The following SPAG16 variants were observed in gnomAD, a reference collection of about 807,000 sequenced individuals.
The protein encoded by SPAG16 is sperm associated antigen 16, also known as sperm-associated antigen 16 protein.
SPAG16 carries 86 observed loss-of-function variants against 80.4 expected under a neutral mutation model. The ratio of observed to expected loss-of-function variants is 1.07; its 90% CI spans 0.90 to 1.28. The LOEUF (loss-of-function observed/expected upper bound fraction) is 1.28, where lower values mean the gene tolerates loss of function less well. SPAG16 is among the 50% of genes most tolerant of loss of function. SPAG16 has a pLI of 0.00. For synonymous variants in SPAG16, 294 were observed against 265.9 expected (o/e 1.11, Z -1.03); for missense variants, 870 against 765.3 (o/e 1.14, Z -1.61).
At chr2:213,352,158 C>CTTTT (rs534931836) in intron 7 of SPAG16, among the ~76,000 whole-genome samples, 18 of 141,786 alleles carry the variant, frequency 1.3e-4, no homozygotes, top group South Asian at 2.3e-4. Context: ...AACCTCTAGT[C>CTTTT]TTTTTTTTTT....
intron 10 of SPAG16, among the ~76,000 whole-genome samples, chr2:213,683,497 G>T (rs2064497975): frequency 6.6e-6 from 1 of 151,918 alleles, no homozygotes; most frequent in Non-Finnish European, 1.5e-5. Flanking sequence ...GTTGCAGTGA[G>T]CCGAGATCGC....
chr2:214,016,383 G>A (rs79860304), intron 13 of SPAG16, among the ~76,000 whole-genome samples: 2 of 152,114 alleles, frequency 1.3e-5, no homozygotes, highest in Admixed American at 6.5e-5. Context: ...TCACTATCAC[G>A]AGAACAGCAT....
chr2:213,887,098 A>ATTGT (rs2076585676), intron 11 of SPAG16, among the ~76,000 whole-genome samples: 4 of 152,070 alleles, frequency 2.6e-5, no homozygotes, highest in Admixed American at 2.6e-4. Flanking sequence ...GAGTTCTGAT[A>ATTGT]TTGTCTTCAG....
chr2:213,708,388 C>T (rs1414128263), intron 10 of SPAG16, among the ~76,000 whole-genome samples: 1 of 152,076 alleles, frequency 6.6e-6, no homozygotes, highest in East Asian at 1.9e-4. Context: ...AAATTTCAGT[C>T]AAAGATTTCA....
chr2:213,512,881 G>A (rs1336023348), intron 10 of SPAG16, among the ~76,000 whole-genome samples: 3 of 151,974 alleles, frequency 2.0e-5, no homozygotes, highest in East Asian at 1.9e-4. Flanking sequence ...CTCCCACCAA[G>A]ACTGGAAATA....
intron 10 of SPAG16, among the ~76,000 whole-genome samples, chr2:213,579,582 G>C (rs1170332995): frequency 2.0e-5 from 3 of 152,086 alleles, no homozygotes; most frequent in Non-Finnish European, 2.9e-5. Flanking sequence ...CATTAAAAAT[G>C]ATCTCTTCAT....
At chr2:213,955,820 G>A (rs1006772558) in intron 12 of SPAG16, among the ~76,000 whole-genome samples, 2 of 151,720 alleles carry the variant, frequency 1.3e-5, no homozygotes, top group African/African-American at 4.8e-5. Context: ...TGTTATTTCT[G>A]TACAATCAAC....
intron 10 of SPAG16, among the ~76,000 whole-genome samples, chr2:213,720,269 G>A (rs2066453995): frequency 6.6e-6 from 1 of 151,996 alleles, no homozygotes; most frequent in African/African-American, 2.4e-5. Flanking sequence ...AAACCATCAT[G>A]GCACGTGTAT....
chr2:213,929,884 T>A, intron 11 of SPAG16, 76 bp from the exon 12 acceptor site: 1 of 1,290,242 alleles, frequency 7.8e-7, no homozygotes, highest in East Asian at 2.3e-5. Context: ...TACACACAAA[T>A]TACTCATAGA....
At chr2:214,359,441 GT>G (rs1334080263) in intron 15 of SPAG16, among the ~76,000 whole-genome samples, 1 of 151,884 alleles carries the variant, frequency 6.6e-6, no homozygotes, top group Non-Finnish European at 1.5e-5. Context: ...CATTTTTGGT[GT>G]TGCTAAAGAG....
chr2:213,708,974 G>A (rs2065868974), intron 10 of SPAG16, among the ~76,000 whole-genome samples: 1 of 152,132 alleles, frequency 6.6e-6, no homozygotes, highest in Admixed American at 6.6e-5. Flanking sequence ...GAATCTTCTT[G>A]TTGGCCTATC....
chr2:214,154,766 AT>A (rs920116938), intron 15 of SPAG16, among the ~76,000 whole-genome samples: 1 of 151,948 alleles, frequency 6.6e-6, no homozygotes, highest in Non-Finnish European at 1.5e-5. Context: ...TGAGCCTCAG[AT>A]TTTTTTTGTA....
chr2:213,408,318 A>G (rs762615556), intron 9 of SPAG16, among the ~76,000 whole-genome samples: 2 of 152,218 alleles, frequency 1.3e-5, no homozygotes, highest in Non-Finnish European at 2.9e-5. Flanking sequence ...TCCTTAACCT[A>G]GTAATCTGCG....
intron 5 of SPAG16, among the ~76,000 whole-genome samples, chr2:213,332,468 T>A (rs907341856): frequency 5.9e-5 from 9 of 152,160 alleles, no homozygotes; most frequent in Non-Finnish European, 1.2e-4. Flanking sequence ...TTTAAAGAAC[T>A]AACACCAGTG....
At chr2:213,558,716 A>G (rs577958701) in intron 10 of SPAG16, among the ~76,000 whole-genome samples, 124 of 152,228 alleles carry the variant, frequency 8.1e-4, no homozygotes, top group African/African-American at 2.6e-3. Context: ...TAATTTGGCT[A>G]TTTTTGGAAA....
At chr2:214,114,815 A>G (rs2053853834) in intron 14 of SPAG16, among the ~76,000 whole-genome samples, 1 of 152,160 alleles carries the variant, frequency 6.6e-6, no homozygotes, top group Non-Finnish European at 1.5e-5. Context: ...GGCTGCACCC[A>G]CTGTCCAACC....
chr2:213,656,558 T>C (rs543718029), intron 10 of SPAG16, among the ~76,000 whole-genome samples: 3 of 152,340 alleles, frequency 2.0e-5, no homozygotes, highest in Admixed American at 2.0e-4. Context: ...GTAGTACTCA[T>C]GAGGCCTTGT....
intron 10 of SPAG16, among the ~76,000 whole-genome samples, chr2:213,563,406 C>T (rs1423198486): frequency 6.6e-6 from 1 of 152,184 alleles, no homozygotes; most frequent in Non-Finnish European, 1.5e-5. Flanking sequence ...GACTAGGTGG[C>T]TTTAATAACA....
intron 10 of SPAG16, among the ~76,000 whole-genome samples, chr2:213,756,250 G>A (rs2068324783): frequency 6.6e-6 from 1 of 152,174 alleles, no homozygotes; most frequent in South Asian, 2.1e-4. Flanking sequence ...GGAGGCCGAG[G>A]CAGGTGGATC....
Sources: allele counts gnomAD v4.1 joint callset (sites outside exome capture counted in the v4.1 genomes callset), GRCh38; gene constraint gnomAD v4.1.1; transcripts MANE v1.5; gene names NCBI Gene and HGNC (gene_info 2026-07-23, HGNC 2026-07-21).